The following SFSWAP variants were observed in gnomAD, a reference collection of about 807,000 sequenced individuals.
SFSWAP encodes the protein splicing factor SWAP.
In SFSWAP, 17 loss-of-function variants were observed where a neutral mutation model predicts 100.7. The observed-to-expected ratio is 0.17, with a 90% CI of 0.12 to 0.25. SFSWAP has a LOEUF of 0.25. Ranked by LOEUF, SFSWAP falls within the 10% of genes least tolerant of loss-of-function variation. The probability of loss-of-function intolerance (pLI) is 1.00; values close to 1 mark genes in which losing one functional copy is unlikely to be tolerated. For missense variants in SFSWAP, 1,005 were observed against 1,262.6 expected (o/e 0.80, Z 3.09); for synonymous variants, 504 against 510.1 (o/e 0.99, Z 0.16).
Position 131,754,386 on chromosome 12 carries a change from C to G in SFSWAP, c.1341C>G (p.Ala447=), listed in dbSNP as rs367573231. ...TTTTSALAPV[A]AIIPPPPDVQ... is the part of the protein sequence containing the mutation. ...CCTGCAGTGCACTTGCCCCCGTGGC[C>G]GCCATCATCCCCCCGCCCCCCGACG... The change falls in exon 9 of 18, where the codon GCC becomes GCG. Residue 447 remains alanine (A), a synonymous_variant. Coordinates refer to ENST00000261674, the MANE Select transcript of SFSWAP (RefSeq NM_004592.4). 1 of 1,582,520 alleles carries G rather than the reference C, an allele frequency of 6.3e-7. No individual in the cohort carries two copies. Among genetic ancestry groups the G allele is most frequent in the Non-Finnish European group, 8.6e-7 (1 of 1,167,332 alleles).
chr12:131,765,175 A>G (rs551323152), intron 12 of SFSWAP, among the ~76,000 whole-genome samples: 11 of 152,248 alleles, frequency 7.2e-5, no homozygotes, highest in Admixed American at 5.9e-4. Flanking sequence ...ACCCACCCCA[A>G]CACTGCTGGC....
At chr12:131,723,568 T>C (rs1054265279) in intron 4 of SFSWAP, among the ~76,000 whole-genome samples, 3 of 152,200 alleles carry the variant, frequency 2.0e-5, no homozygotes, top group African/African-American at 7.2e-5. Flanking sequence ...TATTTGATTT[T>C]TTTTCTCCCC....
At chr12:131,787,482 G>GTT (rs1566058588) in intron 15 of SFSWAP, among the ~76,000 whole-genome samples, 1 of 152,224 alleles carries the variant, frequency 6.6e-6, no homozygotes, top group Non-Finnish European at 1.5e-5. Context: ...CAAGGAGCTT[G>GTT]TTTTGTGTCC....
At chr12:131,785,096 TGC>T (rs1884791078) in intron 14 of SFSWAP, 1 of 1,535,468 alleles carries the variant, frequency 6.5e-7, no homozygotes, top group Non-Finnish European at 8.7e-7. Flanking sequence ...CCAGGGACGC[TGC>T]GCGCGGAGCC....
At chr12:131,717,102 A>T (rs1315468603) in intron 3 of SFSWAP, among the ~76,000 whole-genome samples, 1 of 151,664 alleles carries the variant, frequency 6.6e-6, no homozygotes, top group Non-Finnish European at 1.5e-5. Flanking sequence ...TGAAACACCT[A>T]ACACACACAC....
Position 131,711,569 on chromosome 12 carries a change from C to A in SFSWAP, c.218+122C>A, listed in dbSNP as rs1877347666. ...GGAGCCAGCGGGGATCTGGGGGACA[C>A]CCCCTCCCCTGTCCCCACCTCCTCC... On this transcript the variant is annotated intron_variant, in intron 1 of 17. Transcript: ENST00000261674. The surrounding 1 kb of genome is among the most constrained non-coding windows in gnomAD (Gnocchi z 4.9). The A allele has an allele frequency of 3.7e-6, 3 of 801,800 alleles. No individual in the cohort carries two copies. Among genetic ancestry groups the A allele is most frequent in the African/African-American group, 1.7e-5 (1 of 59,198 alleles). The allele number at this position is 801,800 out of a possible 1,614,324, so 49.7% of individuals were successfully genotyped here.
At chr12:131,770,972 C>T (rs558473683) in intron 13 of SFSWAP, among the ~76,000 whole-genome samples, 3 of 152,312 alleles carry the variant, frequency 2.0e-5, no homozygotes, top group Non-Finnish European at 2.9e-5. Context: ...CTTCACCTAG[C>T]GTGGTATCCT....
chr12:131,755,361 C>G, intron 9 of SFSWAP, 25 bp from the exon 10 acceptor site: 1 of 1,543,470 alleles, frequency 6.5e-7, no homozygotes, highest in Non-Finnish European at 9.0e-7. Flanking sequence ...GGTAAATGAC[C>G]CATTTTCTTT....
chr12:131,723,181 GT>G (rs1878644424), intron 4 of SFSWAP: 1 of 152,194 alleles, frequency 6.6e-6, no homozygotes, highest in Non-Finnish European at 1.5e-5. Flanking sequence ...GTCACAGAAG[GT>G]GGGTGGGGAG....
rs369237415 is a variant in SFSWAP, at chr12:131,789,641, G to A, written c.2534+3053G>A. Among the ~76,000 whole-genome samples the A allele has an allele frequency of 2.0e-4, 20 of 102,038 alleles. 1 individual carries two copies. In the South Asian group the frequency reaches 3.8e-3, roughly 20 times the overall value. 66.9% of individuals were successfully genotyped at this position (102,038 alleles called of 152,430 possible). On this transcript the variant is annotated intron_variant, in intron 15 of 17. Transcript: ENST00000261674. ...GCTCTCTCTCACCCCTTCCCATCCC[G>A]CCCATCCCATCCACTCCCCTCCCTC... is the stretch of plus-strand genomic sequence containing the variant.
In SFSWAP at chr12:131,753,144, A is replaced by G. The variant is rs1881811047; in HGVS notation, c.1103A>G (p.Tyr368Cys). The G allele has an allele frequency of 6.2e-7, 1 of 1,614,014 alleles. No individual in the cohort carries two copies. Among genetic ancestry groups the G allele is most frequent in the African/African-American group, 1.3e-5 (1 of 74,894 alleles). ...TADSTVAAMYYSYYMLPDGTY... is the reference protein window; with the variant it reads ...TADSTVAAMYCSYYMLPDGTY... The stretch of plus-strand genomic sequence containing the variant: ...ACAGCGACCGTGGCAGCCATGTATT[A>G]CAGCTACTACATGCTACCGGACGGC... Residue 368 changes from tyrosine (Y) to cysteine (C), a missense_variant, in exon 8 of 18, where the codon TAC becomes TGC. Tyr to Cys is a radical substitution (Grantham distance 194, BLOSUM62 -2). Coordinates refer to ENST00000261674, the MANE Select transcript of SFSWAP (RefSeq NM_004592.4).
intron 4 of SFSWAP, among the ~76,000 whole-genome samples, chr12:131,720,101 A>G (rs1480333418): frequency 2.0e-5 from 3 of 152,166 alleles, no homozygotes; most frequent in Non-Finnish European, 4.4e-5. Context: ...TCTGTTCAGC[A>G]TTGACCTTTC....
chr12:131,781,231 A>ATT (rs777036857), intron 14 of SFSWAP, among the ~76,000 whole-genome samples: 3 of 62,636 alleles, frequency 4.8e-5, no homozygotes, highest in Admixed American at 1.9e-4. Context: ...AATATATCTT[A>ATT]TTATTTTTTT....
intron 12 of SFSWAP, among the ~76,000 whole-genome samples, chr12:131,765,617 C>T (rs1251339142): frequency 6.6e-6 from 1 of 151,616 alleles, no homozygotes; most frequent in Non-Finnish European, 1.5e-5. Context: ...CATTGCACTA[C>T]AGCCTGGGCA....
At chr12:131,762,116 C>T (rs770165400) in intron 11 of SFSWAP, among the ~76,000 whole-genome samples, 24 of 152,238 alleles carry the variant, frequency 1.6e-4, no homozygotes, top group African/African-American at 5.3e-4. Context: ...ACCTGTAATC[C>T]CAGCTACTCA....
chr12:131,722,578 C>T (rs1878581290), intron 4 of SFSWAP, among the ~76,000 whole-genome samples: 1 of 152,098 alleles, frequency 6.6e-6, no homozygotes, highest in Admixed American at 6.5e-5. Flanking sequence ...ATAGAACCAG[C>T]CTTTATGAAG....
intron 7 of SFSWAP, among the ~76,000 whole-genome samples, chr12:131,745,748 G>A (rs1462706016): frequency 6.8e-6 from 1 of 147,026 alleles, no homozygotes; most frequent in Non-Finnish European, 1.5e-5. Flanking sequence ...GAAACTTTTA[G>A]TAAGGCTTTT....
chr12:131,788,255 C>T (rs958375233), intron 15 of SFSWAP, among the ~76,000 whole-genome samples: 2 of 152,188 alleles, frequency 1.3e-5, no homozygotes, highest in African/African-American at 4.8e-5. Context: ...GCCAGACTCG[C>T]GTGACCTGCT....
At chr12:131,790,453 A>G (rs999267920) in intron 15 of SFSWAP, among the ~76,000 whole-genome samples, 5 of 152,242 alleles carry the variant, frequency 3.3e-5, no homozygotes, top group Non-Finnish European at 7.3e-5. Context: ...AATTTGGTAC[A>G]GTGTGGAAAT....
Sources: gnomAD v4.1 joint callset for allele counts (sites outside exome capture counted in the v4.1 genomes callset) on GRCh38, gnomAD v4.1.1 for gene constraint, Gnocchi (gnomAD v3.1) non-coding constraint, MANE v1.5 for transcripts, NCBI Gene and HGNC (gene_info 2026-07-23, HGNC 2026-07-21) for gene names.